The following RANBP17 variants were observed in gnomAD, a reference collection of about 807,000 sequenced individuals.
The protein encoded by RANBP17 is ran-binding protein 17.
Under a neutral mutation model 141.2 loss-of-function variants are expected in RANBP17, and 158 were observed. The ratio of observed to expected loss-of-function variants is 1.12; its 90% CI spans 0.98 to 1.28. RANBP17 has a LOEUF of 1.28. Among genes scored for constraint, RANBP17 ranks in the 50% most tolerant of loss-of-function variants. RANBP17 has a pLI of 0.00. For synonymous variants in RANBP17, 430 were observed against 450.0 expected (o/e 0.96, Z 0.56); for missense variants, 1,438 against 1,290.7 (o/e 1.11, Z -1.75).
At chr5:171,007,895 G>T (rs1487098454) in intron 14 of RANBP17, among the ~76,000 whole-genome samples, 1 of 152,146 alleles carries the variant, frequency 6.6e-6, no homozygotes, top group Non-Finnish European at 1.5e-5. Context: ...AGTGAAGGAG[G>T]CAAGTTTAAA....
At chr5:170,973,512 A>C (rs1194787284) in intron 14 of RANBP17, among the ~76,000 whole-genome samples, 3 of 152,218 alleles carry the variant, frequency 2.0e-5, no homozygotes, top group Non-Finnish European at 4.4e-5. Context: ...AGTAATAAAG[A>C]AAAGCTGTAG....
At chr5:171,294,083 A>C in intron 26 of RANBP17, 102 bp downstream of exon 26, 3 of 881,574 alleles carry the variant, frequency 3.4e-6, no homozygotes, top group Non-Finnish European at 5.7e-6. Context: ...GAGCAGAGCC[A>C]ATTGAATTTG....
intron 14 of RANBP17, among the ~76,000 whole-genome samples, chr5:170,990,927 A>G (rs1385749045): frequency 6.6e-6 from 1 of 151,944 alleles, no homozygotes; most frequent in African/African-American, 2.4e-5. Context: ...GGGTGCATCA[A>G]ATAGGAATTT....
intron 25 of RANBP17, among the ~76,000 whole-genome samples, chr5:171,290,379 AAAG>A (rs1027851514): frequency 2.0e-5 from 3 of 147,278 alleles, no homozygotes; most frequent in Non-Finnish European, 3.1e-5. Context: ...AAAAAAAAAA[AAAG>A]AAAGAAAGAA....
intron 14 of RANBP17, among the ~76,000 whole-genome samples, chr5:171,092,208 G>A (rs1272575104): frequency 6.6e-6 from 1 of 152,072 alleles, no homozygotes; most frequent in East Asian, 1.9e-4. Flanking sequence ...TTTCCTTTCT[G>A]AGAATTCTTA....
chr5:171,015,414 C>T (rs1780357671), intron 14 of RANBP17, among the ~76,000 whole-genome samples: 1 of 152,062 alleles, frequency 6.6e-6, no homozygotes, highest in Non-Finnish European at 1.5e-5. Context: ...AATGTCTGAT[C>T]TCTTATTAAT....
rs529420555 is a variant in RANBP17, at chr5:171,049,211, T to C, written c.1710+80834T>C. Among the ~76,000 whole-genome samples the C allele has an allele frequency of 2.0e-5, 3 of 152,372 alleles. No individual in the cohort carries two copies. In the East Asian group the frequency reaches 5.8e-4, roughly 29 times the overall value. On this transcript the variant is annotated intron_variant, in intron 14 of 27. Coordinates refer to ENST00000523189, the MANE Select transcript of RANBP17 (RefSeq NM_022897.5). The stretch of plus-strand genomic sequence containing the variant: ...GGAGGTATCCCATTGTAATTTTGAT[T>C]TGCATTTCTCTAATGATTAGTGATG...
At chr5:171,150,454 C>A (rs1041889139) in intron 14 of RANBP17, among the ~76,000 whole-genome samples, 1 of 151,380 alleles carries the variant, frequency 6.6e-6, no homozygotes, top group African/African-American at 2.4e-5. Context: ...AAGCATTACA[C>A]AATTTGATGA....
chr5:171,235,201 C>T (rs1390755143), intron 22 of RANBP17, among the ~76,000 whole-genome samples: 1 of 152,060 alleles, frequency 6.6e-6, no homozygotes, highest in African/African-American at 2.4e-5. Context: ...CACTAGTAAC[C>T]TTGAAAAGAG....
intron 4 of RANBP17, among the ~76,000 whole-genome samples, chr5:170,893,542 C>T (rs1000334904): frequency 6.6e-6 from 1 of 152,020 alleles, no homozygotes; most frequent in Non-Finnish European, 1.5e-5. Flanking sequence ...GCCTGTAATC[C>T]CAGCACTTTG....
intron 22 of RANBP17, among the ~76,000 whole-genome samples, chr5:171,222,566 C>T (rs534164087): frequency 6.6e-6 from 1 of 152,234 alleles, no homozygotes; most frequent in East Asian, 1.9e-4. Flanking sequence ...CTTTTTTTCC[C>T]TCTCTGTTCT....
At chr5:170,961,007 A>C (rs1776108049) in intron 13 of RANBP17, among the ~76,000 whole-genome samples, 1 of 152,232 alleles carries the variant, frequency 6.6e-6, no homozygotes, top group Non-Finnish European at 1.5e-5. Flanking sequence ...TGGGCTCCCA[A>C]AGTGCTGGGA....
intron 14 of RANBP17, among the ~76,000 whole-genome samples, chr5:171,032,217 G>A (rs1290235415): frequency 6.6e-6 from 1 of 152,080 alleles, no homozygotes; most frequent in Non-Finnish European, 1.5e-5. Flanking sequence ...CTGCTTTAAT[G>A]AATTCCCTTT....
At chr5:171,208,704 G>C (rs996661702) in intron 20 of RANBP17, among the ~76,000 whole-genome samples, 2 of 152,176 alleles carry the variant, frequency 1.3e-5, no homozygotes, top group Non-Finnish European at 2.9e-5. Context: ...CTAGATTCCA[G>C]TCCTGGATTC....
chr5:171,296,425 A>G (rs1392730691), intron 27 of RANBP17, among the ~76,000 whole-genome samples: 2 of 152,230 alleles, frequency 1.3e-5, no homozygotes, highest in Non-Finnish European at 2.9e-5. Flanking sequence ...GATCCTGACT[A>G]TAGCTAACAA....
chr5:170,885,869 T>A (rs114859789), intron 3 of RANBP17, among the ~76,000 whole-genome samples: 1 of 19,362 alleles, frequency 5.2e-5, no homozygotes, highest in Non-Finnish European at 1.5e-4. Context: ...ACTCTCCACC[T>A]TTTTTTTTTT....
chr5:170,912,754 G>A (rs1238612179), intron 7 of RANBP17, among the ~76,000 whole-genome samples: 1 of 151,816 alleles, frequency 6.6e-6, no homozygotes, highest in Non-Finnish European at 1.5e-5. Flanking sequence ...GTGACGGTTA[G>A]GAGTTCTAGA....
In RANBP17 at chr5:171,199,699, A is replaced by G. The variant is rs375052126; in HGVS notation, c.2068A>G (p.Met690Val). The part of the protein sequence containing the change: ...GEDEDEFENF[M>V]LPLTVAFETV... ...AGATGAGGATGAATTTGAGAATTTC[A>G]TGCTGCCTCTTACAGTTGCTTTTGA... The change falls in exon 19 of 28, where the codon ATG becomes GTG. Residue 690 changes from methionine (M) to valine (V), a missense_variant. By Grantham distance (21) the Met-to-Val change is conservative. Transcript: ENST00000523189. 3 of 1,610,616 alleles carry G rather than the reference A, an allele frequency of 1.9e-6. No homozygotes were observed. The highest frequency in any genetic ancestry group is 2.5e-6 in the Non-Finnish European group (3 of 1,178,068).
chr5:171,284,260 C>G (rs924004271), intron 25 of RANBP17, among the ~76,000 whole-genome samples: 2 of 152,134 alleles, frequency 1.3e-5, no homozygotes, highest in Admixed American at 6.5e-5. Flanking sequence ...GTCTGGCATC[C>G]TTCTCTTCAT....
Sources: gnomAD v4.1 joint callset for allele counts (sites outside exome capture counted in the v4.1 genomes callset) on GRCh38, gnomAD v4.1.1 for gene constraint, MANE v1.5 for transcripts, NCBI Gene and HGNC (gene_info 2026-07-23, HGNC 2026-07-21) for gene names.